TMEM135: variants seen among roughly 807,000 people sequenced by gnomAD.
The protein encoded by TMEM135 is transmembrane protein 135, also known as peroxisomal membrane protein 52.
TMEM135 carries 30 observed loss-of-function variants against 60.3 expected under a neutral mutation model. The observed-to-expected ratio is 0.50, with a 90% CI of 0.37 to 0.68. TMEM135 has a LOEUF of 0.68. Ranked by LOEUF, TMEM135 falls within the 30% of genes least tolerant of loss-of-function variation. The pLI is 0.00. For synonymous variants in TMEM135, 190 were observed against 186.7 expected, an observed-to-expected ratio of 1.02 and a Z score of -0.14; for missense variants, 468 against 548.8, an observed-to-expected ratio of 0.85 and a Z score of 1.47.
intron 4 of TMEM135, among the ~76,000 whole-genome samples, chr11:87,126,503 A>C (rs909202749): frequency 9.2e-5 from 14 of 151,924 alleles, no homozygotes; most frequent in African/African-American, 3.4e-4. Context: ...AAAATTTAGT[A>C]TACTGTGTTC....
intron 4 of TMEM135, among the ~76,000 whole-genome samples, chr11:87,108,645 A>G (rs1399355614): frequency 2.0e-5 from 3 of 151,918 alleles, no homozygotes; most frequent in Non-Finnish European, 4.4e-5. Context: ...GTTATTTGAA[A>G]TCTTCGTTTC....
At chr11:87,171,083 G>A (rs1272058637) in intron 5 of TMEM135, among the ~76,000 whole-genome samples, 1 of 152,098 alleles carries the variant, frequency 6.6e-6, no homozygotes. Flanking sequence ...CCAGTTAGGA[G>A]AAACAATATG....
intron 6 of TMEM135, among the ~76,000 whole-genome samples, chr11:87,282,199 C>T (rs887742659): frequency 3.3e-5 from 5 of 152,056 alleles, no homozygotes; most frequent in Admixed American, 2.0e-4. Context: ...GGTACACACT[C>T]AGGCAAATCA....
At chr11:87,066,411 CACTT>C (rs1157200114) in intron 1 of TMEM135, among the ~76,000 whole-genome samples, 3 of 152,152 alleles carry the variant, frequency 2.0e-5, no homozygotes, top group Non-Finnish European at 2.9e-5. Context: ...ATATTACTAA[CACTT>C]AATCAGTCCT....
chr11:87,317,552 T>C (rs1942754208), intron 12 of TMEM135, among the ~76,000 whole-genome samples: 1 of 152,132 alleles, frequency 6.6e-6, no homozygotes, highest in South Asian at 2.1e-4. Flanking sequence ...TCTTTGGTTA[T>C]GGTAGCTTAT....
chr11:87,055,659 C>T (rs952492460), intron 1 of TMEM135, among the ~76,000 whole-genome samples: 13 of 151,448 alleles, frequency 8.6e-5, no homozygotes, highest in Admixed American at 2.6e-4. Flanking sequence ...AGCACGATCT[C>T]GGCTCACGCC....
rs1941004205 is a variant in TMEM135 at position 87,236,700 on chromosome 11, C to CTTAT, written c.509+20_509+23dup. 2.5e-6 allele frequency: 4 copies of CTTAT among 1,607,882 alleles called. No homozygotes were observed. The highest frequency in any genetic ancestry group is 3.4e-6 in the Non-Finnish European group (4 of 1,175,064). On this transcript the variant is annotated intron_variant, in intron 6 of 14. Transcript: ENST00000305494. Reference sequence around the variant, plus strand: ...TCTTTTTCAGGTATGTTCTGTTATACTTATTTACTTTAATACCCCAAACAG... The same window carrying CTTAT: ...TCTTTTTCAGGTATGTTCTGTTATACTTATTTATTTACTTTAATACCCCAAACAG...
In TMEM135 at chr11:87,326,521, A is replaced by T. The variant is rs377078686; in HGVS notation, c.*5188A>T. 1.1e-5 allele frequency: 5 copies of T among 454,016 alleles called. No individual in the cohort carries two copies. The East Asian group carries it at 2.8e-4, about 25-fold the overall frequency. 28.1% of individuals were successfully genotyped at this position (454,016 alleles called of 1,614,324 possible). On this transcript the variant is annotated 3_prime_UTR_variant, in exon 15 of 15. Transcript: ENST00000305494. ...GCCAAAGGTTTAAAGCATGAAGTACATTCTGTGGTTGGTCATTATGGGATT... is the reference window on the plus strand; with the variant it reads ...GCCAAAGGTTTAAAGCATGAAGTACTTTCTGTGGTTGGTCATTATGGGATT...
chr11:87,173,878 C>A (rs1019676858), intron 5 of TMEM135, among the ~76,000 whole-genome samples: 1 of 152,060 alleles, frequency 6.6e-6, no homozygotes, highest in African/African-American at 2.4e-5. Flanking sequence ...GTTGCCAGTG[C>A]GCTCTGCTGT....
intron 4 of TMEM135, among the ~76,000 whole-genome samples, chr11:87,120,582 C>T (rs1035428583): frequency 1.4e-4 from 21 of 148,786 alleles, no homozygotes; most frequent in African/African-American, 5.2e-4. Flanking sequence ...AGCGATTCTC[C>T]TGCCTCAGCC....
intron 5 of TMEM135, among the ~76,000 whole-genome samples, chr11:87,225,888 C>T (rs1436598121): frequency 6.6e-6 from 1 of 152,066 alleles, no homozygotes; most frequent in Non-Finnish European, 1.5e-5. Flanking sequence ...TGTCTAGTGC[C>T]TGGCACCATT....
Position 87,212,312 on chromosome 11 carries a change from G to C in TMEM135, c.463-24326G>C, listed in dbSNP as rs559532086. Reference sequence around the variant, plus strand: ...CGCCCCAATTGTGAGAGTCACAAATGGATTAAACAGAAACATGTAGAATAG... The same window carrying C: ...CGCCCCAATTGTGAGAGTCACAAATCGATTAAACAGAAACATGTAGAATAG... On this transcript the variant is annotated intron_variant, in intron 5 of 14. Transcript: ENST00000305494. Among the ~76,000 whole-genome samples the C allele has an allele frequency of 2.6e-5, 4 of 151,928 alleles. No individual in the cohort carries two copies. The South Asian group carries it at 8.4e-4, about 32-fold the overall frequency.
chr11:87,186,533 TTAG>T lies in TMEM135; in HGVS notation c.462+29132_462+29134del, dbSNP rs541990986. Among the ~76,000 whole-genome samples the T allele has an allele frequency of 7.9e-5, 12 of 152,302 alleles. No homozygotes were observed. The South Asian group carries it at 2.5e-3, about 32-fold the overall frequency. ...TTTAAAAGATTTGTCCACTATGAAG[TTAG>T]TAGTGTGGGATTTAGTTTTCCCCTT... On this transcript the variant is annotated intron_variant, in intron 5 of 14. Transcript: ENST00000305494.
At chr11:87,066,716 G>A (rs1856666001) in intron 1 of TMEM135, among the ~76,000 whole-genome samples, 1 of 151,060 alleles carries the variant, frequency 6.6e-6, no homozygotes, top group African/African-American at 2.4e-5. Context: ...CTTTTGTATT[G>A]GGACTTATTC....
chr11:87,310,176 AC>A (rs1326692078), intron 10 of TMEM135, among the ~76,000 whole-genome samples: 1 of 149,576 alleles, frequency 6.7e-6, no homozygotes, highest in African/African-American at 2.5e-5. Context: ...TTCCTACTAC[AC>A]TGTCTCAAAT....
At chr11:87,058,221 A>G (rs1199517140) in intron 1 of TMEM135, among the ~76,000 whole-genome samples, 1 of 152,220 alleles carries the variant, frequency 6.6e-6, no homozygotes, top group Non-Finnish European at 1.5e-5. Context: ...CCAGAATATC[A>G]TTTGACCAAA....
chr11:87,161,997 A>G (rs1365717539), intron 5 of TMEM135, among the ~76,000 whole-genome samples: 1 of 152,160 alleles, frequency 6.6e-6, no homozygotes, highest in Non-Finnish European at 1.5e-5. Flanking sequence ...AATCTAGCCT[A>G]TTAATAGCTC....
At chr11:87,175,804 G>A (rs1319701314) in intron 5 of TMEM135, among the ~76,000 whole-genome samples, 1 of 147,188 alleles carries the variant, frequency 6.8e-6, no homozygotes, top group Non-Finnish European at 1.5e-5. Context: ...TGTATAGCTA[G>A]ATGTGGTTGA....
At chr11:87,239,776 T>A (rs948536287) in intron 6 of TMEM135, among the ~76,000 whole-genome samples, 1 of 151,748 alleles carries the variant, frequency 6.6e-6, no homozygotes, top group Non-Finnish European at 1.5e-5. Context: ...AAGAAAGAAC[T>A]TGAGAAGTAG....
Sources: allele counts gnomAD v4.1 joint callset (sites outside exome capture counted in the v4.1 genomes callset), GRCh38; gene constraint gnomAD v4.1.1; transcripts MANE v1.5; gene names NCBI Gene and HGNC (gene_info 2026-07-23, HGNC 2026-07-21).